Variants in RPH3A observed in about 807,000 individuals in gnomAD.
RPH3A encodes the protein rabphilin 3A, also known as rabphilin-3A.
In RPH3A, 48 loss-of-function variants were observed where a neutral mutation model predicts 102.2. The ratio of observed to expected loss-of-function variants is 0.47; its 90% CI spans 0.37 to 0.60. The LOEUF (loss-of-function observed/expected upper bound fraction) is 0.60, where lower values mean the gene tolerates loss of function less well. Ranked by LOEUF, RPH3A falls within the 20% of genes least tolerant of loss-of-function variation. The probability of loss-of-function intolerance (pLI) is 0.00; values close to 1 mark genes in which losing one functional copy is unlikely to be tolerated. For missense variants in RPH3A, 781 were observed against 910.1 expected, an observed-to-expected ratio of 0.86 and a Z score of 1.83; for synonymous variants, 310 against 324.3, an observed-to-expected ratio of 0.96 and a Z score of 0.47.
intron 1 of RPH3A, among the ~76,000 whole-genome samples, chr12:112,730,124 G>A (rs1324513183): frequency 6.6e-6 from 1 of 152,244 alleles, no homozygotes; most frequent in Non-Finnish European, 1.5e-5. Context: ...AGATGGAACA[G>A]ATCCTTCCCT....
In RPH3A at chr12:112,865,359, A is replaced by G. The variant is rs1277531078; in HGVS notation, c.231-55A>G. The G allele has an allele frequency of 1.1e-5, 18 of 1,596,000 alleles. No individual in the cohort carries two copies. The African/African-American group carries it at 1.6e-4, about 14-fold the overall frequency. On this transcript the variant is annotated intron_variant, in intron 5 of 21. Transcript: ENST00000389385. ...GACTATCAACCTGACACTGTGGGGT[A>G]TGCTGGTGGTCCCCAGTCCTACAAG...
chr12:112,720,206 C>G (rs1460043332), intron 1 of RPH3A, among the ~76,000 whole-genome samples: 1 of 152,196 alleles, frequency 6.6e-6, no homozygotes, highest in Non-Finnish European at 1.5e-5. Context: ...GCTCATGCAT[C>G]CATGCATGTG....
At chr12:112,675,920 C>T (rs1287430598) in intron 1 of RPH3A, among the ~76,000 whole-genome samples, 1 of 152,036 alleles carries the variant, frequency 6.6e-6, no homozygotes, top group Non-Finnish European at 1.5e-5. Flanking sequence ...ATCAGAGATC[C>T]AGCCATGGCA....
chr12:112,763,755 T>C (rs1237564910), intron 1 of RPH3A, among the ~76,000 whole-genome samples: 2 of 152,294 alleles, frequency 1.3e-5, no homozygotes, highest in African/African-American at 2.4e-5. Flanking sequence ...TAATGAAGCA[T>C]GTCAAACCTG....
intron 10 of RPH3A, chr12:112,874,073 G>A (rs1306527628): frequency 2.0e-5 from 3 of 152,198 alleles, no homozygotes; most frequent in African/African-American, 7.2e-5. Flanking sequence ...AGGCAGAGGT[G>A]GTAAAGCACC....
chr12:112,657,306 G>C (rs1243783506), intron 1 of RPH3A, among the ~76,000 whole-genome samples: 1 of 150,432 alleles, frequency 6.6e-6, no homozygotes, highest in Non-Finnish European at 1.5e-5. Flanking sequence ...TTTTCTTGTT[G>C]AGTTGTTTGA....
At chr12:112,712,873 C>CTTTTTT (rs200904686) in intron 1 of RPH3A, among the ~76,000 whole-genome samples, 1 of 148,222 alleles carries the variant, frequency 6.7e-6, no homozygotes, top group African/African-American at 2.6e-5. Flanking sequence ...ACCCAGCTCA[C>CTTTTTT]TTTTTTTTCT....
intron 1 of RPH3A, among the ~76,000 whole-genome samples, chr12:112,639,866 G>A (rs1377751417): frequency 6.6e-6 from 1 of 152,158 alleles, no homozygotes; most frequent in Non-Finnish European, 1.5e-5. Flanking sequence ...CTGTTGGTGG[G>A]TGCTAAGTCA....
chr12:112,689,744 AT>A (rs2040292999), intron 1 of RPH3A, among the ~76,000 whole-genome samples: 1 of 152,256 alleles, frequency 6.6e-6, no homozygotes, highest in Non-Finnish European at 1.5e-5. Context: ...CCCCTGGGCC[AT>A]TCAAAGGCAC....
intron 1 of RPH3A, among the ~76,000 whole-genome samples, chr12:112,680,168 G>A (rs2040216930): frequency 6.6e-6 from 1 of 152,210 alleles, no homozygotes; most frequent in Non-Finnish European, 1.5e-5. Context: ...GCGGTGAGCA[G>A]GGCTGGATTG....
intron 13 of RPH3A, 111 bp downstream of exon 13, chr12:112,876,977 A>G: frequency 1.5e-6 from 1 of 647,336 alleles, no homozygotes; most frequent in Non-Finnish European, 2.5e-6. Flanking sequence ...CCCCTAATAT[A>G]CCAGACCTAA....
intron 1 of RPH3A, among the ~76,000 whole-genome samples, chr12:112,698,286 C>G (rs1398389298): frequency 6.6e-6 from 1 of 152,030 alleles, no homozygotes; most frequent in South Asian, 2.1e-4. Context: ...AAATGTAAAA[C>G]CTAAAGCTCT....
chr12:112,593,658 CCT>C (rs1357921641), intron 1 of RPH3A, among the ~76,000 whole-genome samples: 1 of 152,176 alleles, frequency 6.6e-6, no homozygotes, highest in African/African-American at 2.4e-5. Context: ...AGGCCACCTT[CCT>C]GTGAAGGAAG....
At chr12:112,702,701 C>G (rs565639379) in intron 1 of RPH3A, among the ~76,000 whole-genome samples, 1 of 152,182 alleles carries the variant, frequency 6.6e-6, no homozygotes, top group Non-Finnish European at 1.5e-5. Flanking sequence ...CTTGTAGGAG[C>G]CTTTGCTAAA....
At chr12:112,847,465 T>A (rs572598504) in intron 4 of RPH3A, among the ~76,000 whole-genome samples, 1 of 152,278 alleles carries the variant, frequency 6.6e-6, no homozygotes, top group South Asian at 2.1e-4. Context: ...CAGGTTTCCA[T>A]GAGCTTGCTG....
rs2042254976 is a variant in RPH3A, at chr12:112,847,749, A to G, written c.137A>G (p.Lys46Arg). ...HPGGQPDRQRKQEELTDEEKE... is the reference protein window; with the variant it reads ...HPGGQPDRQRRQEELTDEEKE... ...GGTGGTCAGCCTGACAGGCAGAGGA[A>G]GCAGGAAGAGCTGACTGATGAGGAG... Residue 46 changes from lysine to arginine, a missense_variant, in exon 5 of 22, where the codon AAG becomes AGG. Lys to Arg is a conservative substitution (Grantham distance 26). Transcript: ENST00000389385. 1 of 1,614,062 alleles carries G rather than the reference A, an allele frequency of 6.2e-7. No individual in the cohort carries two copies. Among genetic ancestry groups the G allele is most frequent in the Admixed American group, 1.7e-5 (1 of 60,010 alleles).
At chr12:112,843,021 T>A (rs896823504) in intron 4 of RPH3A, among the ~76,000 whole-genome samples, 5 of 152,150 alleles carry the variant, frequency 3.3e-5, no homozygotes, top group African/African-American at 1.2e-4. Context: ...CTCTGGGTAT[T>A]TTCTGGATTG....
At chr12:112,613,331 G>T (rs1348510053) in intron 1 of RPH3A, among the ~76,000 whole-genome samples, 1 of 152,124 alleles carries the variant, frequency 6.6e-6, no homozygotes, top group Non-Finnish European at 1.5e-5. Flanking sequence ...GAAAGGAGGT[G>T]TCAGGGATAT....
Position 112,835,894 on chromosome 12 carries a change from G to T in RPH3A, c.72-597G>T, listed in dbSNP as rs2136167992. Among the ~76,000 whole-genome samples the T allele has an allele frequency of 1.3e-5, 2 of 152,334 alleles. 1 individual carries two copies. Among genetic ancestry groups the T allele is most frequent in the South Asian group, 4.1e-4 (2 of 4,830 alleles). Reference sequence around the variant, plus strand: ...AGTTTTCATGTTAAGAATACATGGGGAGAAATGCTGGTCTTTGACAGTTGA... The same window carrying T: ...AGTTTTCATGTTAAGAATACATGGGTAGAAATGCTGGTCTTTGACAGTTGA... On this transcript the variant is annotated intron_variant, in intron 3 of 21. Transcript: ENST00000389385.
Sources: gnomAD v4.1 joint callset for allele counts (sites outside exome capture counted in the v4.1 genomes callset) on GRCh38, gnomAD v4.1.1 for gene constraint, MANE v1.5 for transcripts, NCBI Gene and HGNC (gene_info 2026-07-23, HGNC 2026-07-21) for gene names.